The following ZNF595 variants were observed in gnomAD, a reference collection of about 807,000 sequenced individuals.
The protein encoded by ZNF595 is zinc finger protein 595.
In ZNF595, 9 loss-of-function variants were observed where a neutral mutation model predicts 19.4. The ratio of observed to expected loss-of-function variants is 0.46; its 90% CI spans 0.28 to 0.81. The LOEUF (loss-of-function observed/expected upper bound fraction) is 0.81, where lower values mean the gene tolerates loss of function less well. Ranked by LOEUF, ZNF595 falls within the 30% of genes least tolerant of loss-of-function variation. The pLI is 0.11. For synonymous variants in ZNF595, 255 were observed against 255.9 expected (o/e 1.00, Z 0.03); for missense variants, 729 against 736.0 (o/e 0.99, Z 0.11).
chr4:63,676 G>T (rs1192107776), intron 3 of ZNF595, among the ~76,000 whole-genome samples: 320 of 146,440 alleles, frequency 2.2e-3, no homozygotes, highest in South Asian at 0.02. Context: ...GAGTAGCTGG[G>T]ATTACAGGCG....
In ZNF595 at chr4:87,493, G is replaced by A. The variant is rs1272400493; in HGVS notation, c.*42G>A. ...TCTCTAATTCCAGTGTCTTTACACA[G>A]CAAATAAATTGGAGAATATTGCTCC... On this transcript the variant is annotated 3_prime_UTR_variant, in exon 4 of 4. Coordinates refer to ENST00000610261, the MANE Select transcript of ZNF595 (RefSeq NM_182524.4). 1.2e-5 allele frequency: 17 copies of A among 1,448,194 alleles called. No individual in the cohort carries two copies. The African/African-American group carries it at 1.4e-4, about 12-fold the overall frequency. The allele number at this position is 1,448,194 out of a possible 1,614,324, so 89.7% of individuals were successfully genotyped here. A position where few individuals can be genotyped will look rare whatever the true frequency, so the allele number is the denominator to read the frequency against.
chr4:82,117 A>G (rs1286615529), intron 3 of ZNF595, among the ~76,000 whole-genome samples: 1 of 152,086 alleles, frequency 6.6e-6, no homozygotes, highest in Non-Finnish European at 1.5e-5. Context: ...TTTTGATATC[A>G]TGAGCTGTGG....
intron 3 of ZNF595, among the ~76,000 whole-genome samples, chr4:61,129 C>T (rs1712842818): frequency 1.3e-5 from 2 of 152,422 alleles, no homozygotes; most frequent in East Asian, 1.9e-4. Context: ...AAAGTATCTA[C>T]TCACCTTCTA....
intron 3 of ZNF595, among the ~76,000 whole-genome samples, chr4:82,005 T>C (rs1222014220): frequency 3.9e-5 from 6 of 152,204 alleles, no homozygotes; most frequent in African/African-American, 1.4e-4. Context: ...CATCTGACCA[T>C]ATGTGTAAGA....
chr4:64,445 G>A (rs1712998548), intron 3 of ZNF595, among the ~76,000 whole-genome samples: 1 of 152,294 alleles, frequency 6.6e-6, no homozygotes, highest in Non-Finnish European at 1.5e-5. Flanking sequence ...ATAAAAATAA[G>A]GAACTTAATC....
At chr4:70,518 A>G (rs1713384217) in intron 3 of ZNF595, among the ~76,000 whole-genome samples, 3 of 151,968 alleles carry the variant, frequency 2.0e-5, no homozygotes, top group East Asian at 1.9e-4. Flanking sequence ...TTGTATTTTT[A>G]GTAGAGACAG....
intron 3 of ZNF595, among the ~76,000 whole-genome samples, chr4:83,877 A>C (rs1324322586): frequency 8.1e-6 from 1 of 122,848 alleles, no homozygotes; most frequent in African/African-American, 3.0e-5. Context: ...TTTACTTCTT[A>C]TTTTATTCAT....
chr4:71,408 T>C (rs1713427264), intron 3 of ZNF595, among the ~76,000 whole-genome samples: 1 of 152,238 alleles, frequency 6.6e-6, no homozygotes, highest in Non-Finnish European at 1.5e-5. Context: ...CCTCTTCTTT[T>C]GTCTTCTTCA....
intron 3 of ZNF595, among the ~76,000 whole-genome samples, chr4:77,899 C>T (rs74579592): frequency 0.011 from 1,633 of 152,238 alleles, 16 homozygotes; most frequent in Non-Finnish European, 0.017. Flanking sequence ...GGACAGGCTC[C>T]TAGATGAGCA....
At chr4:74,496 A>G (rs1463654725) in intron 3 of ZNF595, among the ~76,000 whole-genome samples, 2 of 152,164 alleles carry the variant, frequency 1.3e-5, no homozygotes, top group Non-Finnish European at 2.9e-5. Context: ...GTCTCAGTTA[A>G]TTTAGAAAGT....
intron 3 of ZNF595, among the ~76,000 whole-genome samples, chr4:64,421 C>T (rs1712997825): frequency 6.6e-6 from 1 of 152,304 alleles, no homozygotes; most frequent in Non-Finnish European, 1.5e-5. Context: ...GAGAAAGTTT[C>T]CAATTGCAAT....
intron 3 of ZNF595, among the ~76,000 whole-genome samples, chr4:76,897 T>A (rs1246228230): frequency 6.6e-6 from 1 of 152,192 alleles, no homozygotes; most frequent in Non-Finnish European, 1.5e-5. Flanking sequence ...TGTCTTTGAA[T>A]TTTGGCAGTT....
In ZNF595 at chr4:63,198, C is replaced by G. The variant is rs1315527154; in HGVS notation, c.226+3045C>G. On this transcript the variant is annotated intron_variant, in intron 3 of 3. Transcript: ENST00000610261. Reference sequence around the variant, plus strand: ...TATCTGTTTTTATGAATATACTATACTCTTTTGATTACCATGACCTTTAAG... The same window carrying G: ...TATCTGTTTTTATGAATATACTATAGTCTTTTGATTACCATGACCTTTAAG... Among the ~76,000 whole-genome samples, 10 of 144,484 alleles carry G rather than the reference C, an allele frequency of 6.9e-5. 2 individuals are homozygous for G. Among genetic ancestry groups the G allele is most frequent in the African/African-American group, 2.7e-4 (10 of 37,210 alleles). 94.8% of individuals were successfully genotyped at this position (144,484 alleles called of 152,430 possible).
At chr4:83,642 A>G (rs1355065332) in intron 3 of ZNF595, among the ~76,000 whole-genome samples, 2,073 of 135,168 alleles carry the variant, frequency 0.015, 9 homozygotes, top group African/African-American at 0.05. Context: ...AAAAAAAAAA[A>G]AAAGAAAGAA....
At chr4:83,383 G>A (rs1476666279) in intron 3 of ZNF595, among the ~76,000 whole-genome samples, 5 of 152,156 alleles carry the variant, frequency 3.3e-5, no homozygotes, top group African/African-American at 1.2e-4. Flanking sequence ...ACTTTGGAAG[G>A]CCGAGGTGGG....
At chr4:66,590 A>C (rs1337226847) in intron 3 of ZNF595, among the ~76,000 whole-genome samples, 3 of 150,122 alleles carry the variant, frequency 2.0e-5, no homozygotes, top group Non-Finnish European at 4.4e-5. Context: ...TTACGTTTAA[A>C]TATTTAACTC....
At chr4:66,396 T>TCTGCTGCTTAGGTGGGACTCTTACTAA (rs1713110057) in intron 3 of ZNF595, among the ~76,000 whole-genome samples, 16 of 151,772 alleles carry the variant, frequency 1.1e-4, no homozygotes, top group Admixed American at 9.9e-4. Context: ...TTTTGGCTTT[T>TCTGCTGCTTAGGTGGGACTCTTACTAA]CTGCTGCTTA....
intron 3 of ZNF595, among the ~76,000 whole-genome samples, chr4:79,421 A>G (rs782115522): frequency 2.6e-5 from 4 of 152,180 alleles, no homozygotes; most frequent in Admixed American, 6.5e-5. Context: ...GTAAATATCT[A>G]TTTGAAGTCC....
chr4:74,782 G>T (rs898951707), intron 3 of ZNF595, among the ~76,000 whole-genome samples: 1 of 152,198 alleles, frequency 6.6e-6, no homozygotes, highest in African/African-American at 2.4e-5. Context: ...TCCAAAGGAG[G>T]CAATCAGATT....
Sources: allele counts gnomAD v4.1 joint callset (sites outside exome capture counted in the v4.1 genomes callset), GRCh38; gene constraint gnomAD v4.1.1; transcripts MANE v1.5; gene names NCBI Gene and HGNC (gene_info 2026-07-23, HGNC 2026-07-21).